Variants in MTOR observed in about 807,000 individuals in gnomAD.
The protein encoded by MTOR is mechanistic target of rapamycin kinase.
Under a neutral mutation model 319.8 loss-of-function variants are expected in MTOR, and 70 were observed. The ratio of observed to expected loss-of-function variants is 0.22; its 90% CI spans 0.18 to 0.27. MTOR has a LOEUF of 0.27. Ranked by LOEUF, MTOR falls within the 10% of genes least tolerant of loss-of-function variation. The pLI is 1.00. For synonymous variants in MTOR, 1,183 were observed against 1,211.4 expected (o/e 0.98, Z 0.49); for missense variants, 1,890 against 3,274.4 (o/e 0.58, Z 10.32).
At chr1:11,204,475 C>T (rs559969508) in intron 26 of MTOR, 86 bp downstream of exon 26, 4 of 1,450,762 alleles carry the variant, frequency 2.8e-6, no homozygotes, top group South Asian at 1.6e-5. Flanking sequence ...AATACCAGCC[C>T]CTTGATTATT....
intron 11 of MTOR, 35 bp from the exon 12 acceptor site, chr1:11,238,652 A>G (rs573224050): frequency 1.0e-5 from 16 of 1,557,690 alleles, no homozygotes; most frequent in Middle Eastern, 3.4e-4. Context: ...CAGAATAAAC[A>G]CTGCTGCTGT....
intron 19 of MTOR, among the ~76,000 whole-genome samples, chr1:11,218,374 G>C (rs12068959): frequency 0.016 from 2,411 of 151,660 alleles, 50 homozygotes; most frequent in African/African-American, 0.054. Flanking sequence ...AGGTTGCAGT[G>C]AGCTAAGGTC....
chr1:11,189,347 G>T (rs971712126), intron 28 of MTOR: 5 of 504,236 alleles, frequency 9.9e-6, no homozygotes, highest in Admixed American at 3.7e-5. Flanking sequence ...CTGACTTGTG[G>T]AGCATTCGGG....
chr1:11,244,255 C>A (rs1457457914), intron 8 of MTOR, among the ~76,000 whole-genome samples: 1 of 130,962 alleles, frequency 7.6e-6, no homozygotes, highest in Non-Finnish European at 1.6e-5. Context: ...TCACGCCATT[C>A]CACTCCAGCC....
intron 39 of MTOR, among the ~76,000 whole-genome samples, chr1:11,130,289 C>T (rs1643070088): frequency 6.6e-6 from 1 of 152,228 alleles, no homozygotes; most frequent in South Asian, 2.1e-4. Flanking sequence ...AGCTCGTCCA[C>T]AGGGAAGCTT....
intron 29 of MTOR, among the ~76,000 whole-genome samples, chr1:11,157,600 T>C (rs191663831): frequency 6.6e-6 from 1 of 152,256 alleles, no homozygotes; most frequent in East Asian, 1.9e-4. Flanking sequence ...CACCAGGATG[T>C]GCGGACACGA....
intron 29 of MTOR, among the ~76,000 whole-genome samples, chr1:11,162,549 C>G (rs1416691445): frequency 1.3e-5 from 2 of 152,168 alleles, no homozygotes; most frequent in Admixed American, 1.3e-4. Flanking sequence ...GTTGGGTTAC[C>G]CACAAAGGGA....
chr1:11,128,149 A>T lies in MTOR; in HGVS notation c.5911-23T>A, dbSNP rs1425076608. ...GGCCTGAGGGAAAAACAGAAGAAAC[A>T]TCTATAAAGGAAATGTGGGTTGGGG... is the stretch of plus-strand genomic sequence containing the variant. On this transcript the variant is annotated intron_variant, in intron 42 of 57. Transcript: ENST00000361445. The surrounding 1 kb of genome is among the most constrained non-coding windows in gnomAD (Gnocchi z 5.3). The T allele has an allele frequency of 6.2e-7, 1 of 1,612,764 alleles. No homozygotes were observed. The highest frequency in any genetic ancestry group is 1.3e-5 in the African/African-American group (1 of 74,858).
rs142182936 is a variant in MTOR at position 11,205,754 on chromosome 1, T to C, written c.3802-1051A>G. Among the ~76,000 whole-genome samples, 701 of 152,380 alleles carry C rather than the reference T, an allele frequency of 4.6e-3. 6 individuals are homozygous for C. The highest frequency in any genetic ancestry group is 0.016 in the African/African-American group (664 of 41,594). On this transcript the variant is annotated intron_variant, in intron 25 of 57. Transcript: ENST00000361445. Reference sequence around the variant, plus strand: ...ACACCTATTTGAACTGGCCTAGGCCTAACTACACTAAATCCCTAACTTTTA... The same window carrying C: ...ACACCTATTTGAACTGGCCTAGGCCCAACTACACTAAATCCCTAACTTTTA...
Position 11,126,757 on chromosome 1 carries a change from G to T in MTOR, c.6391C>A (p.Leu2131Met). 1 of 1,614,160 alleles carries T rather than the reference G, an allele frequency of 6.2e-7. No individual in the cohort carries two copies. The highest frequency in any genetic ancestry group is 8.5e-7 in the Non-Finnish European group (1 of 1,180,026). Residue 2131 changes from leucine (L) to methionine (M), a missense_variant, in exon 46 of 58, where the codon CTG (leucine) becomes ATG (methionine). Transcript: ENST00000361445. Reference sequence around the variant, plus strand: ...GCCAATTCAAGGTCCCGGCACATCAGAAGTTTTGGGGAAACATATTGCAGC... The same window carrying T: ...GCCAATTCAAGGTCCCGGCACATCATAAGTTTTGGGGAAACATATTGCAGC... ...LELQYVSPKL[L>M]MCRDLELAVP...
At chr1:11,220,930 A>G (rs144507545) in intron 19 of MTOR, among the ~76,000 whole-genome samples, 2 of 152,224 alleles carry the variant, frequency 1.3e-5, no homozygotes, top group African/African-American at 2.4e-5. Context: ...ACGTTGCTAG[A>G]TAAGATTTTA....
At chr1:11,149,383 T>C (rs1644055520) in intron 31 of MTOR, 1 of 152,192 alleles carries the variant, frequency 6.6e-6, no homozygotes, top group African/African-American at 2.4e-5. Context: ...TAAAAACTCT[T>C]GAACAATGAG....
Position 11,127,931 on chromosome 1 carries a change from G to GAAA in MTOR, c.6033+70_6033+72dup. On this transcript the variant is annotated intron_variant, in intron 43 of 57. Coordinates refer to ENST00000361445, the MANE Select transcript of MTOR (RefSeq NM_004958.4). The surrounding 1 kb of genome is among the most constrained non-coding windows in gnomAD (Gnocchi z 5.5). ...AAGTGCACAGCACCAATGCGAGGAAGAAAAACAATCCCACTTGCGCCCACC... is the reference window on the plus strand; with the variant it reads ...AAGTGCACAGCACCAATGCGAGGAAGAAAAAAAACAATCCCACTTGCGCCCACC... 1.3e-6 allele frequency: 2 copies of GAAA among 1,597,534 alleles called. No homozygotes were observed. Among genetic ancestry groups the GAAA allele is most frequent in the Non-Finnish European group, 1.7e-6 (2 of 1,173,288 alleles).
Position 11,204,625 on chromosome 1 carries a change from C to A in MTOR, c.3880G>T (p.Asp1294Tyr), listed in dbSNP as rs776739681. The A allele has an allele frequency of 1.2e-6, 2 of 1,614,226 alleles. No homozygotes were observed. Among genetic ancestry groups the A allele is most frequent in the East Asian group, 2.2e-5 (1 of 44,880 alleles). The change falls in exon 26 of 58, where the codon GAC (aspartate) becomes TAC (tyrosine). Residue 1294 changes from aspartate to tyrosine, a missense_variant. Asp to Tyr is a radical substitution (Grantham distance 160). Coordinates refer to ENST00000361445, the MANE Select transcript of MTOR (RefSeq NM_004958.4). ...GAGCGCAGGGAGGGCGATGATGAGT[C>A]CTTCAGCAGCTCCAGGCTCAGCCGT... ...LRRLSLELLK[D>Y]SSSPSLRSCW...
intron 34 of MTOR, among the ~76,000 whole-genome samples, chr1:11,140,524 C>T (rs978490915): frequency 2.6e-5 from 4 of 152,144 alleles, no homozygotes; most frequent in Non-Finnish European, 4.4e-5. Flanking sequence ...CACCGGTCCC[C>T]GGCCCCGGGT....
intron 25 of MTOR, among the ~76,000 whole-genome samples, chr1:11,205,590 C>T (rs148657968): frequency 3.9e-5 from 6 of 152,284 alleles, no homozygotes; most frequent in African/African-American, 1.4e-4. Flanking sequence ...CTGGCTCTTC[C>T]ACTCAGCAGC....
chr1:11,122,782 C>T (rs1416611941), intron 47 of MTOR, among the ~76,000 whole-genome samples: 2 of 152,140 alleles, frequency 1.3e-5, no homozygotes, highest in African/African-American at 4.8e-5. Flanking sequence ...GCTGGGATTA[C>T]AGGCGTGAGC....
At chr1:11,195,044 C>T (rs758209697) in intron 28 of MTOR, 40 of 1,610,694 alleles carry the variant, frequency 2.5e-5, no homozygotes, top group South Asian at 4.4e-5. Context: ...CCGTGGAGCA[C>T]GGATACAGAA....
chr1:11,232,448 C>T lies in MTOR; in HGVS notation c.2502G>A (p.Leu834=), dbSNP rs1647051106. 1.2e-6 allele frequency: 2 copies of T among 1,613,672 alleles called. No individual in the cohort carries two copies. The highest frequency in any genetic ancestry group is 2.7e-5 in the African/African-American group (2 of 74,998). The change falls in exon 16 of 58, where the codon TTG becomes TTA. Residue 834 remains leucine (L), a synonymous_variant. Coordinates refer to ENST00000361445, the MANE Select transcript of MTOR (RefSeq NM_004958.4). ...CAGTAATACTCACCTGCCTTTTGGCCAACAAAGAGGAATCCTGGAGCATGT... is the reference window on the plus strand; with the variant it reads ...CAGTAATACTCACCTGCCTTTTGGCTAACAAAGAGGAATCCTGGAGCATGT... ...IMDMLQDSSL[L]AKRQVALWTL...
Sources: allele counts gnomAD v4.1 joint callset (sites outside exome capture counted in the v4.1 genomes callset), GRCh38; gene constraint gnomAD v4.1.1; non-coding constraint Gnocchi (gnomAD v3.1); transcripts MANE v1.5; gene names NCBI Gene and HGNC (gene_info 2026-07-23, HGNC 2026-07-21).